The following ERBB4 variants were observed in gnomAD, a reference collection of about 807,000 sequenced individuals.
ERBB4 encodes the protein receptor tyrosine-protein kinase erbB-4.
In ERBB4, 42 loss-of-function variants were observed where a neutral mutation model predicts 158.0. The ratio of observed to expected loss-of-function variants is 0.27; its 90% CI spans 0.21 to 0.34. The LOEUF (loss-of-function observed/expected upper bound fraction) is 0.34, where lower values mean the gene tolerates loss of function less well. ERBB4 is among the 10% of genes least tolerant of loss of function. The pLI is 1.00. For synonymous variants in ERBB4, 583 were observed against 558.7 expected, an observed-to-expected ratio of 1.04 and a Z score of -0.61; for missense variants, 1,333 against 1,624.1, an observed-to-expected ratio of 0.82 and a Z score of 3.08.
chr2:211,953,465 CAAAAAAA>C (rs36024345), intron 2 of ERBB4, among the ~76,000 whole-genome samples: 14 of 85,566 alleles, frequency 1.6e-4, no homozygotes, highest in South Asian at 8.5e-4. Flanking sequence ...GGTTTTTCTC[CAAAAAAA>C]AAAAAAAAAA....
chr2:212,212,615 T>G (rs960520927), intron 1 of ERBB4, among the ~76,000 whole-genome samples: 2 of 151,008 alleles, frequency 1.3e-5, no homozygotes, highest in African/African-American at 4.9e-5. Flanking sequence ...GCCAAGACAA[T>G]CCTATGCAAA....
At chr2:211,652,108 C>T (rs183845370) in intron 16 of ERBB4, among the ~76,000 whole-genome samples, 60 of 152,244 alleles carry the variant, frequency 3.9e-4, no homozygotes, top group Admixed American at 2.2e-3. Flanking sequence ...AACTTTGTGA[C>T]GCTAAATACT....
chr2:211,852,977 T>A (rs898863075), intron 3 of ERBB4, among the ~76,000 whole-genome samples: 4 of 152,020 alleles, frequency 2.6e-5, no homozygotes, highest in African/African-American at 9.7e-5. Context: ...TTCATGTGAC[T>A]GTTGTTGGTC....
intron 2 of ERBB4, among the ~76,000 whole-genome samples, chr2:211,950,810 T>A (rs949767894): frequency 6.6e-6 from 1 of 152,086 alleles, no homozygotes; most frequent in African/African-American, 2.4e-5. Context: ...ATATGCATTG[T>A]TCGTACACAG....
intron 12 of ERBB4, among the ~76,000 whole-genome samples, chr2:211,689,276 C>A (rs1305488947): frequency 1.3e-5 from 2 of 152,092 alleles, no homozygotes; most frequent in African/African-American, 4.8e-5. Context: ...CTCACTGTAG[C>A]CTTGACCTCC....
intron 4 of ERBB4, among the ~76,000 whole-genome samples, chr2:211,777,008 G>T (rs887333787): frequency 6.6e-6 from 1 of 152,122 alleles, no homozygotes; most frequent in African/African-American, 2.4e-5. Flanking sequence ...TTAGTATCTT[G>T]TTTTTGGGGT....
At chr2:212,138,259 TA>T (rs1449229439) in intron 1 of ERBB4, among the ~76,000 whole-genome samples, 2 of 152,158 alleles carry the variant, frequency 1.3e-5, no homozygotes, top group Non-Finnish European at 2.9e-5. Context: ...TCGTTTTGTA[TA>T]AAAGTTAGAC....
chr2:212,146,987 T>TTA (rs1553569238), intron 1 of ERBB4, among the ~76,000 whole-genome samples: 1 of 638 alleles, frequency 1.6e-3, no homozygotes, highest in Non-Finnish European at 3.9e-3. Context: ...ATTGTTAGAC[T>TTA]TTTTTTTTTT....
intron 3 of ERBB4, among the ~76,000 whole-genome samples, chr2:211,839,142 G>A (rs12620801): frequency 0.23 from 30,909 of 134,132 alleles, 3,588 homozygotes; most frequent in South Asian, 0.35. Flanking sequence ...AGGGAGAGAG[G>A]GAGAGAGAGA....
At chr2:211,643,253 G>A (rs1002115312) in intron 16 of ERBB4, among the ~76,000 whole-genome samples, 7 of 152,106 alleles carry the variant, frequency 4.6e-5, no homozygotes, top group African/African-American at 1.7e-4. Flanking sequence ...AAAAGAACAG[G>A]TAGAGCTGAT....
At chr2:211,524,364 A>G (rs554661461) in intron 20 of ERBB4, among the ~76,000 whole-genome samples, 130 of 152,158 alleles carry the variant, frequency 8.5e-4, no homozygotes, top group African/African-American at 2.9e-3. Flanking sequence ...TGCCAGTCCC[A>G]CGCCATGCGC....
rs1384965528 is a variant in ERBB4 at position 211,947,505 on chromosome 2, C to T, written c.346G>A (p.Ala116Thr). 2 of 1,613,710 alleles carry T rather than the reference C, an allele frequency of 1.2e-6. No individual in the cohort carries two copies. Among genetic ancestry groups the T allele is most frequent in the African/African-American group, 1.3e-5 (1 of 74,904 alleles). ...RGTKLYEDRY[A>T]LAIFLNYRKD... is the part of the protein sequence containing the mutation. ...CTGTAGTTTAAAAATATTGCCAAGGCATATCGATCCTCATAAAGTTTTGTC... is the reference window on the plus strand; with the variant it reads ...CTGTAGTTTAAAAATATTGCCAAGGTATATCGATCCTCATAAAGTTTTGTC... Residue 116 changes from alanine (A) to threonine (T), a missense_variant, in exon 3 of 28, where the codon GCC (alanine) becomes ACC (threonine). Ala to Thr is a moderately conservative substitution (Grantham distance 58). This residue lies in a region of ERBB4 where 438 missense variants were observed against 586.9 expected (regional missense o/e 0.75). Coordinates refer to ENST00000342788, the MANE Select transcript of ERBB4 (RefSeq NM_005235.3).
chr2:211,946,463 AAACC>A (rs2125134893), intron 3 of ERBB4, among the ~76,000 whole-genome samples: 1 of 152,076 alleles, frequency 6.6e-6, no homozygotes. Context: ...AGTACATATA[AAACC>A]ACTACAGGTT....
At chr2:211,932,091 G>C (rs1242487167) in intron 3 of ERBB4, among the ~76,000 whole-genome samples, 2 of 151,996 alleles carry the variant, frequency 1.3e-5, no homozygotes, top group African/African-American at 4.8e-5. Flanking sequence ...CATGTTGCTA[G>C]GGCTAGACGA....
At chr2:212,112,876 A>G (rs1159423115) in intron 2 of ERBB4, among the ~76,000 whole-genome samples, 1 of 152,214 alleles carries the variant, frequency 6.6e-6, no homozygotes, top group Non-Finnish European at 1.5e-5. Context: ...GTATAACAAA[A>G]TTCACTGGAA....
At chr2:211,840,236 A>G (rs926955222) in intron 3 of ERBB4, among the ~76,000 whole-genome samples, 1 of 151,826 alleles carries the variant, frequency 6.6e-6, no homozygotes, top group Non-Finnish European at 1.5e-5. Context: ...TCTAAAGGGG[A>G]GTTCCCTTGC....
At chr2:211,750,598 G>GTGCTCTC in intron 5 of ERBB4, 41 bp downstream of exon 5, 2 of 1,535,242 alleles carry the variant, frequency 1.3e-6, no homozygotes, top group South Asian at 2.2e-5. Flanking sequence ...AAAATTCCTT[G>GTGCTCTC]ACCACATCAA....
At chr2:211,836,977 A>G (rs11885309) in intron 3 of ERBB4, among the ~76,000 whole-genome samples, 32,611 of 151,922 alleles carry the variant, frequency 0.21, 3,638 homozygotes, top group South Asian at 0.33. Flanking sequence ...ATCTCTAAAA[A>G]AGGAAACCAG....
chr2:212,238,126 G>T (rs1049331994), intron 1 of ERBB4, among the ~76,000 whole-genome samples: 1 of 152,198 alleles, frequency 6.6e-6, no homozygotes, highest in Non-Finnish European at 1.5e-5. Context: ...ACTGAGGTAT[G>T]AAAAATAATT....
Sources: gnomAD v4.1 joint callset for allele counts (sites outside exome capture counted in the v4.1 genomes callset) on GRCh38, gnomAD v4.1.1 for gene constraint, gnomAD v4.1.1 regional missense constraint, MANE v1.5 for transcripts, NCBI Gene and HGNC (gene_info 2026-07-23, HGNC 2026-07-21) for gene names.